IPO9: variants seen among roughly 807,000 people sequenced by gnomAD.
IPO9 encodes the protein importin-9.
In IPO9, 28 loss-of-function variants were observed where a neutral mutation model predicts 128.6. That is an observed-to-expected ratio of 0.22 (90% CI 0.16 to 0.30). IPO9 has a LOEUF of 0.30. IPO9 is among the 10% of genes least tolerant of loss of function. The pLI, the probability that IPO9 is intolerant of heterozygous loss-of-function variation, is 1.00. For synonymous variants in IPO9, 455 were observed against 475.8 expected (o/e 0.96, Z 0.57); for missense variants, 935 against 1,293.9 (o/e 0.72, Z 4.26).
intron 19 of IPO9, among the ~76,000 whole-genome samples, chr1:201,872,250 T>A (rs771001668): frequency 4.6e-5 from 7 of 152,206 alleles, no homozygotes; most frequent in Middle Eastern, 3.4e-3. Flanking sequence ...CTTCTAACCC[T>A]GGCTTCCTAA....
intron 23 of IPO9, among the ~76,000 whole-genome samples, chr1:201,875,714 T>C (rs986380115): frequency 2.6e-5 from 4 of 152,196 alleles, no homozygotes; most frequent in African/African-American, 4.8e-5. Context: ...TTGTAATTCA[T>C]CTTCTAGAGG....
Position 201,874,253 on chromosome 1 carries a change from C to T in IPO9, c.2714C>T (p.Pro905Leu). Residue 905 changes from proline to leucine, a missense_variant, in exon 21 of 24, where the codon CCA becomes CTA. Pro to Leu is a moderately conservative substitution (Grantham distance 98). Transcript: ENST00000361565. ...IRTRSKSAKNPERWTNIPLLV... is the reference protein window; with the variant it reads ...IRTRSKSAKNLERWTNIPLLV... ...AAACCTTTTTCTTCCTTCCCAGACC[C>T]AGAACGCTGGACAAACATTCCTTTG... 6.2e-7 allele frequency: 1 copy of T among 1,613,784 alleles called. No individual in the cohort carries two copies. The highest frequency in any genetic ancestry group is 1.7e-5 in the Admixed American group (1 of 59,994).
intron 6 of IPO9, among the ~76,000 whole-genome samples, chr1:201,853,574 A>G (rs1680265553): frequency 6.6e-6 from 1 of 151,516 alleles, no homozygotes. Flanking sequence ...TTTTTGAGAC[A>G]AGATCTTGCT....
Position 201,829,209 on chromosome 1 carries a change from G to A in IPO9, c.-1G>A. ...GGGCTGGCGGGCTGAGGGGAGAAAA[G>A]ATGGCGGCGGCGGCGGCAGCTGGTG... is the stretch of plus-strand genomic sequence containing the variant. On this transcript the variant is annotated 5_prime_UTR_variant, in exon 1 of 24. Transcript: ENST00000361565. The A allele has an allele frequency of 6.5e-7, 1 of 1,544,522 alleles. No individual in the cohort carries two copies. Among genetic ancestry groups the A allele is most frequent in the Non-Finnish European group, 8.7e-7 (1 of 1,150,184 alleles).
At chr1:201,847,258 C>A in intron 1 of IPO9, 21 bp from the exon 2 acceptor site, 7 of 1,599,886 alleles carry the variant, frequency 4.4e-6, no homozygotes, top group Non-Finnish European at 6.0e-6. Flanking sequence ...CTCTTAGACT[C>A]AATAAAATTT....
rs1680377065 is a variant in IPO9, at chr1:201,858,502, C to G, written c.1277C>G (p.Thr426Ser). 1 of 1,596,606 alleles carries G rather than the reference C, an allele frequency of 6.3e-7. No individual in the cohort carries two copies. Among genetic ancestry groups the G allele is most frequent in the Non-Finnish European group, 8.5e-7 (1 of 1,171,902 alleles). ...ESAAALAAAA[T>S]RHLQEAEQTK... ...GCAGCAGCCCTGGCTGCTGCAGCCA[C>G]TCGACATTTACAAGAAGCTGAGCAA... Residue 426 changes from threonine to serine, a missense_variant, in exon 12 of 24, where the codon ACT becomes AGT. Around this residue, in one of 3 missense-constraint regions of IPO9, gnomAD observed 741 missense variants for 1,019.1 expected, o/e 0.73. Transcript: ENST00000361565.
intron 10 of IPO9, among the ~76,000 whole-genome samples, chr1:201,856,366 G>A (rs1488766424): frequency 6.6e-6 from 1 of 152,070 alleles, no homozygotes; most frequent in Admixed American, 6.6e-5. Context: ...GTAATAATCA[G>A]ACCATTAGCC....
rs780967544 is a variant in IPO9, at chr1:201,858,440, T to A, written c.1222-7T>A. On this transcript the variant is annotated splice_polypyrimidine_tract_variant and splice_region_variant and intron_variant, in intron 11 of 23. Coordinates refer to ENST00000361565, the MANE Select transcript of IPO9 (RefSeq NM_018085.5). The stretch of plus-strand genomic sequence containing the variant: ...AAACAGATTTATTAGCTCTTCTCTC[T>A]CTATAGGCTGTGGCCACAGATTTCC... The A allele has an allele frequency of 2.6e-6, 4 of 1,513,446 alleles. No homozygotes were observed. Among genetic ancestry groups the A allele is most frequent in the Non-Finnish European group, 3.6e-6 (4 of 1,117,088 alleles). 93.8% of individuals were successfully genotyped at this position (1,513,446 alleles called of 1,614,324 possible).
intron 21 of IPO9, 41 bp from the exon 22 acceptor site, chr1:201,874,791 T>C: frequency 7.2e-7 from 1 of 1,388,316 alleles, no homozygotes. Context: ...GGAAAATGCA[T>C]GAATGTGCTC....
At chr1:201,836,922 T>C (rs1253503111) in intron 1 of IPO9, among the ~76,000 whole-genome samples, 1 of 151,192 alleles carries the variant, frequency 6.6e-6, no homozygotes, top group Non-Finnish European at 1.5e-5. Flanking sequence ...TAGTTAACAA[T>C]GATGATGTTA....
intron 13 of IPO9, 39 bp from the exon 14 acceptor site, chr1:201,863,409 T>C (rs116281825): frequency 6.6e-7 from 1 of 1,506,776 alleles, no homozygotes; most frequent in African/African-American, 1.4e-5. Context: ...AAAAGGAATT[T>C]TCATTTTCCA....
rs1680779203 is a variant in IPO9, at chr1:201,877,109, A to G, written c.*1055A>G. On this transcript the variant is annotated 3_prime_UTR_variant, in exon 24 of 24. Transcript: ENST00000361565. ...GCAAACATAGCCTGAAATGATTCTT[A>G]AAGAACTGGCATTGTTTAATCAAAT... 2 of 152,296 alleles carry G rather than the reference A, an allele frequency of 1.3e-5. No individual in the cohort carries two copies. Among genetic ancestry groups the G allele is most frequent in the African/African-American group, 4.8e-5 (2 of 41,478 alleles). 9.4% of individuals were successfully genotyped at this position (152,296 alleles called of 1,614,324 possible). A position where few individuals can be genotyped will look rare whatever the true frequency, so the allele number is the denominator to read the frequency against.
At chr1:201,868,819 GT>G in intron 16 of IPO9, 23 bp downstream of exon 16, 1 of 1,588,690 alleles carries the variant, frequency 6.3e-7, no homozygotes, top group Non-Finnish European at 8.6e-7. Context: ...GTGTGTGTGT[GT>G]GTGTGTGTGA....
intron 1 of IPO9, among the ~76,000 whole-genome samples, chr1:201,833,626 A>G (rs1455510408): frequency 6.6e-6 from 1 of 152,156 alleles, no homozygotes; most frequent in Non-Finnish European, 1.5e-5. Context: ...CTGAATATTT[A>G]AAGTCTATTT....
At position 201,868,823 on chromosome 1, in the gene IPO9, G is replaced by T. The variant is rs6667716; in HGVS notation, c.2004+27G>T. 1,090 of 1,585,866 alleles carry T rather than the reference G, an allele frequency of 6.9e-4. 10 individuals carry two copies. In the African/African-American group the frequency reaches 0.013, roughly 19 times the overall value. ...TAAGTGGCCGTGTGTGTGTGTGTGT[G>T]TGTGTGAGAGAGATCTACAAGTGCC... On this transcript the variant is annotated intron_variant, in intron 16 of 23. Transcript: ENST00000361565.
At chr1:201,839,648 A>G (rs1163641454) in intron 1 of IPO9, among the ~76,000 whole-genome samples, 4 of 152,086 alleles carry the variant, frequency 2.6e-5, no homozygotes, top group Non-Finnish European at 5.9e-5. Flanking sequence ...TTTTTTAAAA[A>G]TAAACTCTAA....
rs1287824195 is a variant in IPO9 at position 201,876,170 on chromosome 1, C to T, written c.*116C>T. The T allele has an allele frequency of 2.5e-6, 2 of 803,478 alleles. No homozygotes were observed. The highest frequency in any genetic ancestry group is 2.3e-6 in the Non-Finnish European group (1 of 442,974). The allele number at this position is 803,478 out of a possible 1,614,324, so 49.8% of individuals were successfully genotyped here. Reference sequence around the variant, plus strand: ...CCTAAAGTGGCATCTTGACCCTTGGCCCTTGGCCTCGGCAGTGACACTGAT... The same window carrying T: ...CCTAAAGTGGCATCTTGACCCTTGGTCCTTGGCCTCGGCAGTGACACTGAT... On this transcript the variant is annotated 3_prime_UTR_variant, in exon 24 of 24. Transcript: ENST00000361565.
intron 4 of IPO9, among the ~76,000 whole-genome samples, chr1:201,851,666 G>A (rs1436128932): frequency 6.6e-6 from 1 of 152,086 alleles, no homozygotes; most frequent in African/African-American, 2.4e-5. Context: ...TAGTAAGTCT[G>A]TACATATTTT....
chr1:201,840,158 CT>C (rs531780185), intron 1 of IPO9, among the ~76,000 whole-genome samples: 41 of 152,162 alleles, frequency 2.7e-4, no homozygotes, highest in Non-Finnish European at 5.4e-4. Context: ...GGCACAGTCC[CT>C]CCTCACTATA....
Sources: allele counts gnomAD v4.1 joint callset (sites outside exome capture counted in the v4.1 genomes callset), GRCh38; gene constraint gnomAD v4.1.1; regional missense constraint gnomAD v4.1.1; transcripts MANE v1.5; gene names NCBI Gene and HGNC (gene_info 2026-07-23, HGNC 2026-07-21).